PTPRR: variants seen among roughly 807,000 people sequenced by gnomAD.
PTPRR encodes the protein receptor-type tyrosine-protein phosphatase R.
PTPRR carries 38 observed loss-of-function variants against 77.2 expected under a neutral mutation model. The observed-to-expected ratio is 0.49, with a 90% CI of 0.38 to 0.65. The LOEUF (loss-of-function observed/expected upper bound fraction) is 0.65. Among genes scored for constraint, PTPRR ranks in the 30% least tolerant of loss-of-function variants. The probability of loss-of-function intolerance (pLI) is 0.00; values close to 1 mark genes in which losing one functional copy is unlikely to be tolerated. For missense variants in PTPRR, 744 were observed against 799.2 expected, an observed-to-expected ratio of 0.93 and a Z score of 0.83; for synonymous variants, 299 against 283.1, an observed-to-expected ratio of 1.06 and a Z score of -0.57.
At chr12:70,674,595 C>A (rs1040012991) in intron 10 of PTPRR, among the ~76,000 whole-genome samples, 1 of 152,010 alleles carries the variant, frequency 6.6e-6, no homozygotes, top group Non-Finnish European at 1.5e-5. Context: ...GCACTGTAAT[C>A]GAAGCATATA....
intron 1 of PTPRR, among the ~76,000 whole-genome samples, chr12:70,916,094 TG>T (rs1455926198): frequency 1.3e-5 from 2 of 152,092 alleles, no homozygotes; most frequent in African/African-American, 4.8e-5. Context: ...TGAAGACCTC[TG>T]GGGAAAGAAA....
intron 1 of PTPRR, among the ~76,000 whole-genome samples, chr12:70,919,032 A>T (rs2137144074): frequency 6.6e-6 from 1 of 152,370 alleles, no homozygotes; most frequent in African/African-American, 2.4e-5. Flanking sequence ...TGTGTATTTA[A>T]TAATAGCTTT....
chr12:70,840,585 C>T (rs976024704), intron 2 of PTPRR, among the ~76,000 whole-genome samples: 28 of 152,074 alleles, frequency 1.8e-4, no homozygotes, highest in South Asian at 6.2e-4. Flanking sequence ...ATAGCTAGAT[C>T]GCTTTTTTAA....
chr12:70,641,909 A>G (rs949721765), intron 13 of PTPRR, among the ~76,000 whole-genome samples: 3 of 152,202 alleles, frequency 2.0e-5, no homozygotes, highest in African/African-American at 7.2e-5. Flanking sequence ...CAGCCATCAA[A>G]GTCCTATAAT....
intron 4 of PTPRR, among the ~76,000 whole-genome samples, chr12:70,759,250 C>A (rs987991493): frequency 2.0e-5 from 3 of 152,082 alleles, no homozygotes; most frequent in Non-Finnish European, 4.4e-5. Context: ...TATTTGTTGA[C>A]TCAGTTTTGT....
chr12:70,904,843 C>T (rs1166986242), intron 1 of PTPRR, among the ~76,000 whole-genome samples: 1 of 151,330 alleles, frequency 6.6e-6, no homozygotes, highest in East Asian at 1.9e-4. Flanking sequence ...GAAATGAGGA[C>T]TGAGTAGGAG....
At chr12:70,866,452 G>A (rs889061044) in intron 2 of PTPRR, among the ~76,000 whole-genome samples, 114 of 152,124 alleles carry the variant, frequency 7.5e-4, no homozygotes, top group South Asian at 3.5e-3. Context: ...TAAATTCCTC[G>A]ACACATACAC....
Position 70,920,477 on chromosome 12 carries a change from C to T in PTPRR, c.-87G>A. 7.6e-7 allele frequency: 1 copy of T among 1,310,758 alleles called. No individual in the cohort carries two copies. Among genetic ancestry groups the T allele is most frequent in the Non-Finnish European group, 1.1e-6 (1 of 931,950 alleles). The allele number at this position is 1,310,758 out of a possible 1,614,324, so 81.2% of individuals were successfully genotyped here. Reference sequence around the variant, plus strand: ...ATTAGAAAGAGCCACCGCCAAGGGTCTTCTAGTCTCCGGGATTCAGGTCCT... The same window carrying T: ...ATTAGAAAGAGCCACCGCCAAGGGTTTTCTAGTCTCCGGGATTCAGGTCCT... On this transcript the variant is annotated 5_prime_UTR_variant, in exon 1 of 14. Coordinates refer to ENST00000283228, the MANE Select transcript of PTPRR (RefSeq NM_002849.4).
At chr12:70,753,488 A>T (rs1026566554) in intron 5 of PTPRR, among the ~76,000 whole-genome samples, 2 of 152,164 alleles carry the variant, frequency 1.3e-5, no homozygotes, top group African/African-American at 2.4e-5. Flanking sequence ...GAAACATCTT[A>T]TTCTACCCTA....
intron 6 of PTPRR, among the ~76,000 whole-genome samples, chr12:70,745,069 A>T (rs1565678475): frequency 6.6e-6 from 1 of 150,566 alleles, no homozygotes; most frequent in African/African-American, 2.4e-5. Flanking sequence ...AATGTCATGG[A>T]TTTTTTTTTT....
intron 2 of PTPRR, among the ~76,000 whole-genome samples, chr12:70,815,607 G>C (rs1023531716): frequency 2.0e-5 from 3 of 152,128 alleles, no homozygotes; most frequent in Admixed American, 1.3e-4. Flanking sequence ...AGACTACTTG[G>C]GGGGACAGAT....
intron 2 of PTPRR, among the ~76,000 whole-genome samples, chr12:70,770,540 G>GA (rs1194274194): frequency 6.6e-6 from 1 of 152,152 alleles, no homozygotes; most frequent in Non-Finnish European, 1.5e-5. Context: ...GGAGAAATAG[G>GA]AACACTTTTA....
At chr12:70,734,653 G>A (rs1889800963) in intron 6 of PTPRR, among the ~76,000 whole-genome samples, 1 of 152,172 alleles carries the variant, frequency 6.6e-6, no homozygotes, top group Admixed American at 6.5e-5. Flanking sequence ...GGGACCACAA[G>A]TAGAGAAAGG....
chr12:70,812,998 A>G (rs144924556), intron 2 of PTPRR, among the ~76,000 whole-genome samples: 108 of 152,326 alleles, frequency 7.1e-4, no homozygotes, highest in African/African-American at 2.5e-3. Context: ...CAAATCTGAG[A>G]GAAAGAATTT....
At chr12:70,739,803 A>C (rs1452411995) in intron 6 of PTPRR, among the ~76,000 whole-genome samples, 1 of 152,130 alleles carries the variant, frequency 6.6e-6, no homozygotes, top group Non-Finnish European at 1.5e-5. Flanking sequence ...TGGGCTCTGG[A>C]GACTAGAGAT....
At chr12:70,887,079 A>G (rs2137111332) in intron 2 of PTPRR, among the ~76,000 whole-genome samples, 1 of 152,334 alleles carries the variant, frequency 6.6e-6, no homozygotes, top group East Asian at 1.9e-4. Context: ...GTATGTTCCC[A>G]ATGTTTATTT....
intron 1 of PTPRR, among the ~76,000 whole-genome samples, chr12:70,893,711 G>A (rs1893377858): frequency 6.6e-6 from 1 of 151,914 alleles, no homozygotes; most frequent in Non-Finnish European, 1.5e-5. Context: ...AATGCAGAGA[G>A]TCTGGTAGGA....
Position 70,773,392 on chromosome 12 carries a change from C to T in PTPRR, c.358-8614G>A, listed in dbSNP as rs535564866. On this transcript the variant is annotated intron_variant, in intron 2 of 13. Coordinates refer to ENST00000283228, the MANE Select transcript of PTPRR (RefSeq NM_002849.4). ...GCTAACTTGTAGCCAGAGAATTGACCAAGAACCTTAGTAATTTTGCACATT... is the reference window on the plus strand; with the variant it reads ...GCTAACTTGTAGCCAGAGAATTGACTAAGAACCTTAGTAATTTTGCACATT... Among the ~76,000 whole-genome samples, 4 of 152,022 alleles carry T rather than the reference C, an allele frequency of 2.6e-5. No individual in the cohort carries two copies. The East Asian group carries it at 7.7e-4, about 29-fold the overall frequency.
intron 6 of PTPRR, among the ~76,000 whole-genome samples, chr12:70,725,733 A>G (rs1057423144): frequency 6.6e-6 from 1 of 152,198 alleles, no homozygotes; most frequent in African/African-American, 2.4e-5. Flanking sequence ...TTATTTCTTT[A>G]GAGTAATGGT....
Sources: allele counts gnomAD v4.1 joint callset (sites outside exome capture counted in the v4.1 genomes callset), GRCh38; gene constraint gnomAD v4.1.1; transcripts MANE v1.5; gene names NCBI Gene and HGNC (gene_info 2026-07-23, HGNC 2026-07-21).